The following PCDHAC2 variants were observed in gnomAD, a reference collection of about 807,000 sequenced individuals.
The protein encoded by PCDHAC2 is protocadherin alpha subfamily C, 2.
A neutral mutation model predicts 63.3 loss-of-function variants in PCDHAC2; 24 were observed. The ratio of observed to expected loss-of-function variants is 0.38; its 90% CI spans 0.27 to 0.53. The LOEUF is 0.53. Ranked by LOEUF, PCDHAC2 falls within the 20% of genes least tolerant of loss-of-function variation. The pLI is 0.81. For synonymous variants in PCDHAC2, 569 were observed against 529.4 expected (o/e 1.07, Z -1.03); for missense variants, 1,181 against 1,275.2 (o/e 0.93, Z 1.12).
Position 140,967,968 on chromosome 5 carries a change from G to A in PCDHAC2, c.1202G>A (p.Ser401Asn). 3.1e-6 allele frequency: 5 copies of A among 1,614,218 alleles called. No individual in the cohort carries two copies. Among genetic ancestry groups the A allele is most frequent in the Non-Finnish European group, 4.2e-6 (5 of 1,180,048 alleles). Reference protein sequence around the residue: ...DQDSGPNRKVSLGLEATLPFR... With the variant: ...DQDSGPNRKVNLGLEATLPFR... ...GACTCAGGCCCCAACCGGAAAGTGA[G>A]CCTGGGTCTGGAGGCCACACTGCCT... is the stretch of plus-strand genomic sequence containing the variant. Residue 401 changes from serine to asparagine, a missense_variant, in exon 1 of 4, where the codon AGC becomes AAC. Coordinates refer to ENST00000289269, the MANE Select transcript of PCDHAC2 (RefSeq NM_018899.6).
Position 140,979,023 on chromosome 5 carries a change from C to G in PCDHAC2, c.2624+16C>G, listed in dbSNP as rs2096831948. On this transcript the variant is annotated intron_variant, in intron 2 of 3. Transcript: ENST00000289269. ...GCATGCACAGGTATGTATTTCCCTC[C>G]TCATTCACTCAGAAGTAACCTTAAC... The G allele has an allele frequency of 6.2e-7, 1 of 1,613,422 alleles. No homozygotes were observed.
chr5:140,981,582 A>C (rs2096939117), intron 2 of PCDHAC2, among the ~76,000 whole-genome samples: 1 of 152,182 alleles, frequency 6.6e-6, no homozygotes, highest in African/African-American at 2.4e-5. Flanking sequence ...TCAAAAATAA[A>C]TAAAATAAAA....
At chr5:141,005,352 GGAATGTCATA>G (rs1261780276) in intron 3 of PCDHAC2, among the ~76,000 whole-genome samples, 2 of 152,178 alleles carry the variant, frequency 1.3e-5, no homozygotes, top group Non-Finnish European at 2.9e-5. Flanking sequence ...TGCTTGGCTA[GGAATGTCATA>G]GAATGCCTTT....
In PCDHAC2 at chr5:140,984,045, T is replaced by C. The variant is rs77384794; in HGVS notation, c.2713+1482T>C. Among the ~76,000 whole-genome samples, 455 of 152,316 alleles carry C rather than the reference T, an allele frequency of 3.0e-3. 7 individuals carry two copies. In the East Asian group the frequency reaches 0.044, roughly 15 times the overall value. On this transcript the variant is annotated intron_variant, in intron 3 of 3. Transcript: ENST00000289269. ...AAGGGGAAAAACATAAAATAGTTCA[T>C]TGACAAATCTGTACCCTCAGTGCCA... is the stretch of plus-strand genomic sequence containing the variant.
At chr5:140,977,256 C>T (rs1304967733) in intron 1 of PCDHAC2, among the ~76,000 whole-genome samples, 1 of 152,164 alleles carries the variant, frequency 6.6e-6, no homozygotes, top group Non-Finnish European at 1.5e-5. Flanking sequence ...CATTTCTCAG[C>T]AGATGTTACA....
Position 140,968,192 on chromosome 5 carries a change from A to G in PCDHAC2, c.1426A>G (p.Ile476Val), listed in dbSNP as rs555596025. The G allele has an allele frequency of 2.5e-6, 4 of 1,614,038 alleles. No individual in the cohort carries two copies. The Admixed American group carries it at 5.0e-5, about 20-fold the overall frequency. ...AAGCTTCCTGGAGGACTCCTATTCC[A>G]TCTACATACAGGAGAACAATTTGCC... ...PPSFLEDSYSIYIQENNLPGV... is the reference protein window; with the variant it reads ...PPSFLEDSYSVYIQENNLPGV... The change falls in exon 1 of 4, where the codon ATC becomes GTC. Residue 476 changes from isoleucine (I) to valine (V), a missense_variant. By Grantham distance (29) the Ile-to-Val change is conservative. This residue lies in a region of PCDHAC2 where 968 missense variants were observed against 1,073.5 expected (regional missense o/e 0.90). Coordinates refer to ENST00000289269, the MANE Select transcript of PCDHAC2 (RefSeq NM_018899.6).
At chr5:140,978,570 G>A (rs151127662) in intron 1 of PCDHAC2, among the ~76,000 whole-genome samples, 216 of 152,314 alleles carry the variant, frequency 1.4e-3, no homozygotes, top group African/African-American at 4.9e-3. Flanking sequence ...CTGTAATACT[G>A]AATTGGGAAT....
chr5:141,001,594 A>AT (rs1216872407), intron 3 of PCDHAC2, among the ~76,000 whole-genome samples: 1 of 152,040 alleles, frequency 6.6e-6, no homozygotes, highest in Non-Finnish European at 1.5e-5. Flanking sequence ...GATTACTCAG[A>AT]TTAGGTTTGC....
In PCDHAC2 at chr5:140,967,087, G is replaced by T. The variant is rs782556858; in HGVS notation, c.321G>T (p.Arg107=). The part of the protein sequence containing the change: ...GALFVNERID[R]EALCEQRPRC... ...TCTTCGTCAACGAGCGCATTGATCGGGAGGCGCTGTGTGAGCAGCGGCCTC... is the reference window on the plus strand; with the variant it reads ...TCTTCGTCAACGAGCGCATTGATCGTGAGGCGCTGTGTGAGCAGCGGCCTC... Residue 107 remains arginine, a synonymous_variant, in exon 1 of 4, where the codon CGG becomes CGT. Coordinates refer to ENST00000289269, the MANE Select transcript of PCDHAC2 (RefSeq NM_018899.6). The T allele has an allele frequency of 1.2e-6, 2 of 1,613,138 alleles. No individual in the cohort carries two copies. The highest frequency in any genetic ancestry group is 4.5e-5 in the East Asian group (2 of 44,884).
Position 140,982,513 on chromosome 5 carries a change from G to A in PCDHAC2, c.2663G>A (p.Gly888Asp). Residue 888 changes from glycine (G) to aspartate (D), a missense_variant, in exon 3 of 4, where the codon GGT (glycine) becomes GAT (aspartate). Transcript: ENST00000289269. ...HLEEAGILRA[G>D]PGGPDQQWPT... is the part of the protein sequence containing the mutation. ...GAGGAGGCTGGCATTCTACGGGCTGGTCCAGGAGGGCCTGATCAGCAGTGG... is the reference window on the plus strand; with the variant it reads ...GAGGAGGCTGGCATTCTACGGGCTGATCCAGGAGGGCCTGATCAGCAGTGG... The A allele has an allele frequency of 6.2e-7, 1 of 1,614,194 alleles. No individual in the cohort carries two copies. Among genetic ancestry groups the A allele is most frequent in the Non-Finnish European group, 8.5e-7 (1 of 1,180,032 alleles).
rs782731369 is a variant in PCDHAC2, at chr5:140,969,109, T to C, written c.2343T>C (p.Val781=). The change falls in exon 1 of 4, where the codon GTT becomes GTC. Residue 781 remains valine (V), a synonymous_variant. Transcript: ENST00000289269. ...GLKVQPHFIE[V]RGNGSLTKTY... is the part of the protein sequence containing the mutation. The stretch of plus-strand genomic sequence containing the variant: ...AAGTGCAGCCTCACTTCATTGAAGT[T>C]CGAGGGAATGGCTCCCTCACCAAGA... 10 of 1,614,126 alleles carry C rather than the reference T, an allele frequency of 6.2e-6. No homozygotes were observed. The highest frequency in any genetic ancestry group is 8.5e-6 in the Non-Finnish European group (10 of 1,180,018).
Position 141,009,722 on chromosome 5 carries a change from G to A in PCDHAC2, c.2809G>A (p.Gly937Ser), listed in dbSNP as rs552954748. ...KYGPGNPKQSGPGELPDKFII... is the reference protein window; with the variant it reads ...KYGPGNPKQSSPGELPDKFII... ...CGGACCAGGCAACCCCAAACAATCC[G>A]GTCCCGGTGAGTTGCCCGACAAATT... The change falls in exon 4 of 4, where the codon GGT (glycine) becomes AGT (serine). Residue 937 changes from glycine (G) to serine (S), a missense_variant. Gly to Ser is a moderately conservative substitution (Grantham distance 56). This residue lies in a region of PCDHAC2 where 968 missense variants were observed against 1,073.5 expected (regional missense o/e 0.90). Transcript: ENST00000289269. 5.2e-5 allele frequency: 84 copies of A among 1,614,140 alleles called. No homozygotes were observed. The South Asian group carries it at 6.7e-4, about 13-fold the overall frequency.
chr5:140,967,415 C>T lies in PCDHAC2; in HGVS notation c.649C>T (p.Arg217Trp). Residue 217 changes from arginine to tryptophan, a missense_variant, in exon 1 of 4, where the codon CGG (arginine) becomes TGG (tryptophan). Arg to Trp is a moderately radical substitution (Grantham distance 101). Coordinates refer to ENST00000289269, the MANE Select transcript of PCDHAC2 (RefSeq NM_018899.6). The part of the protein sequence containing the change: ...LELVLRKGLD[R>W]EQAALHHLVL... ...GCTGGTGCTGCGTAAGGGCCTAGAC[C>T]GGGAGCAGGCAGCCTTGCACCACCT... The T allele has an allele frequency of 6.2e-7, 1 of 1,613,142 alleles. No individual in the cohort carries two copies. The highest frequency in any genetic ancestry group is 1.3e-5 in the African/African-American group (1 of 75,024).
intron 3 of PCDHAC2, among the ~76,000 whole-genome samples, chr5:140,982,795 A>G (rs1011948194): frequency 3.3e-5 from 5 of 151,516 alleles, no homozygotes; most frequent in African/African-American, 1.2e-4. Context: ...GCATGTGTGC[A>G]TGTGTGTGTG....
rs782150880 is a variant in PCDHAC2, at chr5:140,968,079, C to T, written c.1313C>T (p.Thr438Met). The change falls in exon 1 of 4, where the codon ACG (threonine) becomes ATG (methionine). Residue 438 changes from threonine to methionine, a missense_variant. By Grantham distance (81) the Thr-to-Met change is moderately conservative. Coordinates refer to ENST00000289269, the MANE Select transcript of PCDHAC2 (RefSeq NM_018899.6). ...DRERVAVYNI[T>M]VTATDGGIPQ... is the part of the protein sequence containing the mutation. ...GAGCGGGTGGCTGTCTACAACATCA[C>T]GGTGACAGCCACAGATGGGGGAATA... The T allele has an allele frequency of 5.0e-6, 8 of 1,614,142 alleles. No individual in the cohort carries two copies. The highest frequency in any genetic ancestry group is 3.3e-5 in the Admixed American group (2 of 60,028).
chr5:140,980,575 A>C (rs901433332), intron 2 of PCDHAC2, among the ~76,000 whole-genome samples: 3 of 152,296 alleles, frequency 2.0e-5, no homozygotes, highest in Admixed American at 1.3e-4. Context: ...AGTTGCAGTG[A>C]GCCAAGATCG....
intron 3 of PCDHAC2, among the ~76,000 whole-genome samples, chr5:140,985,779 G>A (rs2097170620): frequency 7.9e-6 from 1 of 126,148 alleles, no homozygotes; most frequent in Non-Finnish European, 1.6e-5. Flanking sequence ...TCGCTCTGTC[G>A]CCCAGGCTGG....
At chr5:141,005,633 C>T (rs1292206901) in intron 3 of PCDHAC2, among the ~76,000 whole-genome samples, 2 of 126,368 alleles carry the variant, frequency 1.6e-5, no homozygotes. Context: ...ACCCGGGAGG[C>T]GGAGCTTGCA....
chr5:140,981,985 G>C (rs1554243637), intron 2 of PCDHAC2, among the ~76,000 whole-genome samples: 1 of 152,162 alleles, frequency 6.6e-6, no homozygotes, highest in Non-Finnish European at 1.5e-5. Context: ...GAGTAAAATA[G>C]AAAATAAGGT....
Sources: allele counts gnomAD v4.1 joint callset (sites outside exome capture counted in the v4.1 genomes callset), GRCh38; gene constraint gnomAD v4.1.1; regional missense constraint gnomAD v4.1.1; transcripts MANE v1.5; gene names NCBI Gene and HGNC (gene_info 2026-07-23, HGNC 2026-07-21).